TLE1: variants seen among roughly 807,000 people sequenced by gnomAD.
TLE1 encodes the protein transducin-like enhancer protein 1.
Under a neutral mutation model 89.8 loss-of-function variants are expected in TLE1, and 21 were observed. The observed-to-expected ratio is 0.23, with a 90% CI of 0.17 to 0.34. The LOEUF is 0.34. TLE1 is among the 10% of genes least tolerant of loss of function. The probability of loss-of-function intolerance (pLI) is 1.00; values close to 1 mark genes in which losing one functional copy is unlikely to be tolerated. For missense variants in TLE1, 795 were observed against 1,031.2 expected (o/e 0.77, Z 3.14); for synonymous variants, 447 against 407.6 (o/e 1.10, Z -1.16).
At chr9:81,646,802 T>A (rs1178724688) in intron 6 of TLE1, among the ~76,000 whole-genome samples, 1 of 152,178 alleles carries the variant, frequency 6.6e-6, no homozygotes, top group East Asian at 1.9e-4. Context: ...AAACATCTAG[T>A]CAGACATCAC....
At chr9:81,584,347 C>T (rs772977663) in intron 19 of TLE1, 42 bp from the exon 20 acceptor site, 46 of 1,609,468 alleles carry the variant, frequency 2.9e-5, no homozygotes, top group South Asian at 6.6e-5. Flanking sequence ...TGTGGAACAA[C>T]GGTACTCAGA....
At chr9:81,664,263 A>C (rs1831184716) in intron 4 of TLE1, among the ~76,000 whole-genome samples, 2 of 152,024 alleles carry the variant, frequency 1.3e-5, no homozygotes, top group Non-Finnish European at 2.9e-5. Context: ...AAAAAAAAAA[A>C]AAACTTAATT....
chr9:81,616,786 G>T, intron 9 of TLE1, 87 bp from the exon 10 acceptor site: 1 of 1,512,274 alleles, frequency 6.6e-7, no homozygotes, highest in Non-Finnish European at 9.1e-7. Flanking sequence ...GTTCCTGGTA[G>T]CAGACAGACT....
In TLE1 at chr9:81,685,737, G is replaced by A. The variant is rs952299051; in HGVS notation, c.190-17C>T. 27 of 1,612,514 alleles carry A rather than the reference G, an allele frequency of 1.7e-5. No homozygotes were observed. The highest frequency in any genetic ancestry group is 1.2e-4 in the African/African-American group (9 of 74,816). On this transcript the variant is annotated splice_polypyrimidine_tract_variant and intron_variant, in intron 3 of 19. Coordinates refer to ENST00000376499, the MANE Select transcript of TLE1 (RefSeq NM_005077.5). ...TTCATAATACTGTAAAGAGAAAAAA[G>A]AATCAAGCATTTCATTAACTCATGT...
chr9:81,645,612 T>C (rs932573182), intron 6 of TLE1, among the ~76,000 whole-genome samples: 4 of 151,542 alleles, frequency 2.6e-5, no homozygotes, highest in Admixed American at 1.3e-4. Flanking sequence ...TGGTGGCACA[T>C]GCCTATAATC....
intron 8 of TLE1, among the ~76,000 whole-genome samples, chr9:81,629,540 T>C (rs191913367): frequency 6.6e-6 from 1 of 152,170 alleles, no homozygotes; most frequent in Admixed American, 6.5e-5. Flanking sequence ...GCAGTTTCCA[T>C]AAAAACTTTC....
At chr9:81,647,997 C>A (rs1300046579) in intron 6 of TLE1, among the ~76,000 whole-genome samples, 1 of 152,132 alleles carries the variant, frequency 6.6e-6, no homozygotes, top group Non-Finnish European at 1.5e-5. Flanking sequence ...TATGGGCAGG[C>A]ACGGTGGCTT....
rs80041317 is a variant in TLE1 at position 81,653,675 on chromosome 9, C to T, written c.297+299G>A. Among the ~76,000 whole-genome samples, 386 of 152,260 alleles carry T rather than the reference C, an allele frequency of 2.5e-3. 3 individuals are homozygous for T. Among genetic ancestry groups the T allele is most frequent in the African/African-American group, 8.8e-3 (364 of 41,554 alleles). ...CTTTCTATTTAAAAGATATAAAAGA[C>T]ACCTGAATTTTCAGTAGCTCTCAAG... On this transcript the variant is annotated intron_variant, in intron 5 of 19. Transcript: ENST00000376499.
intron 4 of TLE1, among the ~76,000 whole-genome samples, chr9:81,661,668 A>G (rs944556595): frequency 1.3e-5 from 2 of 152,180 alleles, no homozygotes. Context: ...CAAGAACATG[A>G]AAACAAAGCA....
intron 4 of TLE1, among the ~76,000 whole-genome samples, chr9:81,679,688 T>G (rs915147646): frequency 1.6e-4 from 24 of 152,120 alleles, no homozygotes; most frequent in African/African-American, 5.6e-4. Flanking sequence ...TAAAAACCAC[T>G]ATACTAAATA....
At chr9:81,606,112 C>G (rs1391576444) in intron 14 of TLE1, among the ~76,000 whole-genome samples, 1 of 152,126 alleles carries the variant, frequency 6.6e-6, no homozygotes, top group Non-Finnish European at 1.5e-5. Context: ...ATTAAAAAGT[C>G]AGGAGACAAC....
rs777164289 is a variant in TLE1 at position 81,620,946 on chromosome 9, T to C, written c.595-389A>G. On this transcript the variant is annotated intron_variant, in intron 8 of 19. Coordinates refer to ENST00000376499, the MANE Select transcript of TLE1 (RefSeq NM_005077.5). Reference sequence around the variant, plus strand: ...TCTTGAGATTACTCTATTAGACATATTCTTTAACTGTAAGAGTCAATGTGT... The same window carrying C: ...TCTTGAGATTACTCTATTAGACATACTCTTTAACTGTAAGAGTCAATGTGT... 1.4e-5 allele frequency: 7 copies of C among 515,160 alleles called. No individual in the cohort carries two copies. In the Admixed American group the frequency reaches 1.4e-4, roughly 10 times the overall value. The allele number at this position is 515,160 out of a possible 1,614,324, so 31.9% of individuals were successfully genotyped here. A position where few individuals can be genotyped will look rare whatever the true frequency, so the allele number is the denominator to read the frequency against.
chr9:81,637,617 T>A (rs1282624534), intron 6 of TLE1, among the ~76,000 whole-genome samples: 1 of 150,654 alleles, frequency 6.6e-6, no homozygotes, highest in Non-Finnish European at 1.5e-5. Flanking sequence ...GGTTCTTCCA[T>A]CCATTGCTTG....
Position 81,688,168 on chromosome 9 carries a change from C to A in TLE1, c.24+49G>T, listed in dbSNP as rs746010630. ...CAGTCTCCCTACCGCCCGGGAGAAG[C>A]GCCTCCCCAACGATCCTGGCCCCCC... is the stretch of plus-strand genomic sequence containing the variant. On this transcript the variant is annotated intron_variant, in intron 1 of 19. Transcript: ENST00000376499. 19 of 1,599,296 alleles carry A rather than the reference C, an allele frequency of 1.2e-5. No homozygotes were observed. In the South Asian group the frequency reaches 1.4e-4, roughly 12 times the overall value.
intron 8 of TLE1, among the ~76,000 whole-genome samples, chr9:81,625,911 T>TAAAAAAAAAAAAAACAA (rs1825838833): frequency 1.1e-5 from 1 of 87,846 alleles, no homozygotes. Flanking sequence ...CAGAAACTAC[T>TAAAAAAAAAAAAAACAA]AAAAAAAAAA....
At chr9:81,653,928 G>A in intron 5 of TLE1, 46 bp downstream of exon 5, 1 of 1,567,650 alleles carries the variant, frequency 6.4e-7, no homozygotes, top group Non-Finnish European at 8.8e-7. Context: ...TTTGCAAACA[G>A]AGAAGCAACA....
Position 81,593,165 on chromosome 9 carries a change from G to T in TLE1, c.1441C>A (p.Leu481Ile). 1 of 1,614,204 alleles carries T rather than the reference G, an allele frequency of 6.2e-7. No individual in the cohort carries two copies. Among genetic ancestry groups the T allele is most frequent in the Non-Finnish European group, 8.5e-7 (1 of 1,180,040 alleles). The change falls in exon 15 of 20, where the codon CTC becomes ATC. Residue 481 changes from leucine (L) to isoleucine (I), a missense_variant. Coordinates refer to ENST00000376499, the MANE Select transcript of TLE1 (RefSeq NM_005077.5). ...IPRHARQINT[L>I]NHGEVVCAVT... ...GCGCACACCACCTCCCCGTGGTTGAGGGTGTTGATCTGGCGAGCATGCCGG... is the reference window on the plus strand; with the variant it reads ...GCGCACACCACCTCCCCGTGGTTGATGGTGTTGATCTGGCGAGCATGCCGG...
chr9:81,643,463 C>T (rs1828428020), intron 6 of TLE1, among the ~76,000 whole-genome samples: 1 of 151,986 alleles, frequency 6.6e-6, no homozygotes, highest in Non-Finnish European at 1.5e-5. Context: ...CTGGAACTCC[C>T]AACCTCAGGT....
In TLE1 at chr9:81,591,982, C is replaced by CCAGGGCAGGG. The variant is rs755543044; in HGVS notation, c.1582-940_1582-931dup. On this transcript the variant is annotated intron_variant, in intron 15 of 19. Transcript: ENST00000376499. ...CAGCAGAGTGCAGGCAGACACCACA[C>CCAGGGCAGGG]CAGGGCAGGGCAGGGCAGGGCAGCT... 2.0e-5 allele frequency among the ~76,000 whole-genome samples: 3 copies of CCAGGGCAGGG among 152,156 alleles called. No homozygotes were observed. In the South Asian group the frequency reaches 6.2e-4, roughly 31 times the overall value.
Sources: gnomAD v4.1 joint callset for allele counts (sites outside exome capture counted in the v4.1 genomes callset) on GRCh38, gnomAD v4.1.1 for gene constraint, MANE v1.5 for transcripts, NCBI Gene and HGNC (gene_info 2026-07-23, HGNC 2026-07-21) for gene names.